Variants in ELK3 observed in about 807,000 individuals in gnomAD.
ELK3 encodes the protein ETS domain-containing protein Elk-3.
A neutral mutation model predicts 28.9 loss-of-function variants in ELK3; 10 were observed. The ratio of observed to expected loss-of-function variants is 0.35; its 90% CI spans 0.21 to 0.59. The LOEUF (loss-of-function observed/expected upper bound fraction) is 0.59. Among genes scored for constraint, ELK3 ranks in the 20% least tolerant of loss-of-function variants. The pLI is 0.82. For missense variants in ELK3, 463 were observed against 517.3 expected (o/e 0.90, Z 1.02); for synonymous variants, 272 against 243.5 (o/e 1.12, Z -1.09).
chr12:96,204,897 C>T (rs1951530262), intron 1 of ELK3, among the ~76,000 whole-genome samples: 1 of 152,204 alleles, frequency 6.6e-6, no homozygotes, highest in Non-Finnish European at 1.5e-5. Flanking sequence ...GAAGGCTCGC[C>T]TTTAGAGGCT....
intron 4 of ELK3, 33 bp from the exon 5 acceptor site, chr12:96,267,049 A>ATAAT: frequency 1.3e-6 from 2 of 1,581,558 alleles, no homozygotes; most frequent in South Asian, 2.3e-5. Context: ...TGGATTTGCA[A>ATAAT]TAATTATTGT....
At chr12:96,246,206 TCTAC>T (rs1160637984) in intron 2 of ELK3, among the ~76,000 whole-genome samples, 1 of 152,208 alleles carries the variant, frequency 6.6e-6, no homozygotes, top group Non-Finnish European at 1.5e-5. Context: ...ACATGCTGCC[TCTAC>T]CACTTCACTT....
chr12:96,222,835 G>C (rs1304246908), intron 1 of ELK3: 3 of 153,262 alleles, frequency 2.0e-5, no homozygotes, highest in African/African-American at 7.2e-5. Flanking sequence ...AGTTCTGCAG[G>C]CTGTACAGGA....
chr12:96,258,989 AC>A (rs771973208), intron 3 of ELK3, among the ~76,000 whole-genome samples: 6 of 152,198 alleles, frequency 3.9e-5, no homozygotes, highest in Non-Finnish European at 8.8e-5. Flanking sequence ...TGATATGGAG[AC>A]CATTTAAAAA....
chr12:96,244,995 T>G (rs1412503970), intron 2 of ELK3, among the ~76,000 whole-genome samples: 2 of 152,064 alleles, frequency 1.3e-5, no homozygotes, highest in African/African-American at 4.8e-5. Context: ...GCGGGTTAAG[T>G]TGCAGGTGGG....
At chr12:96,224,704 C>T (rs937284604) in intron 2 of ELK3, among the ~76,000 whole-genome samples, 1 of 152,148 alleles carries the variant, frequency 6.6e-6, no homozygotes, top group African/African-American at 2.4e-5. Flanking sequence ...CATTTCAGGC[C>T]TTAATTGTTA....
At chr12:96,260,395 T>TAGTGAACAATTTCCCCATCCTGGA (rs1254916194) in intron 4 of ELK3, among the ~76,000 whole-genome samples, 1 of 152,234 alleles carries the variant, frequency 6.6e-6, no homozygotes, top group Non-Finnish European at 1.5e-5. Flanking sequence ...AAAATAAAAA[T>TAGTGAACAATTTCCCCATCCTGGA]AGTGAACAAT....
intron 1 of ELK3, among the ~76,000 whole-genome samples, chr12:96,212,381 T>C (rs1202388609): frequency 6.6e-6 from 1 of 152,182 alleles, no homozygotes; most frequent in Non-Finnish European, 1.5e-5. Flanking sequence ...AGAAAAAGCA[T>C]TGTCAGCAGA....
At chr12:96,208,342 G>A (rs1252885761) in intron 1 of ELK3, among the ~76,000 whole-genome samples, 1 of 152,224 alleles carries the variant, frequency 6.6e-6, no homozygotes, top group Non-Finnish European at 1.5e-5. Flanking sequence ...GTTAGCCACT[G>A]CACCCAGCCA....
chr12:96,221,407 G>A (rs1313031221), intron 1 of ELK3, among the ~76,000 whole-genome samples: 2 of 152,150 alleles, frequency 1.3e-5, no homozygotes, highest in Non-Finnish European at 2.9e-5. Context: ...GGCGGTGGCC[G>A]ACCACTTTCC....
chr12:96,244,305 G>A (rs1951841796), intron 2 of ELK3, among the ~76,000 whole-genome samples: 1 of 152,060 alleles, frequency 6.6e-6, no homozygotes, highest in Non-Finnish European at 1.5e-5. Context: ...TCTGTCTGAG[G>A]CTGCCTTTCA....
chr12:96,229,452 C>T (rs141740338), intron 2 of ELK3, among the ~76,000 whole-genome samples: 6 of 151,670 alleles, frequency 4.0e-5, no homozygotes, highest in African/African-American at 1.5e-4. Context: ...CCTTGGCTTG[C>T]AGCAGCCTCA....
intron 1 of ELK3, among the ~76,000 whole-genome samples, chr12:96,208,782 A>G (rs1218688612): frequency 6.6e-6 from 1 of 152,206 alleles, no homozygotes; most frequent in Non-Finnish European, 1.5e-5. Flanking sequence ...AAGGGGAGGA[A>G]GAGGCTCTAT....
intron 1 of ELK3, chr12:96,198,163 C>G (rs899124272): frequency 3.3e-5 from 5 of 152,170 alleles, no homozygotes; most frequent in Admixed American, 6.5e-5. Flanking sequence ...GCTTACTAAT[C>G]GTTAGTTTTG....
chr12:96,204,088 C>T (rs1437169411), intron 1 of ELK3, among the ~76,000 whole-genome samples: 1 of 152,094 alleles, frequency 6.6e-6, no homozygotes, highest in Non-Finnish European at 1.5e-5. Flanking sequence ...TTGTTGGTAT[C>T]AGTGTTACTA....
intron 2 of ELK3, among the ~76,000 whole-genome samples, chr12:96,242,396 T>C (rs527906485): frequency 2.0e-4 from 30 of 152,310 alleles, no homozygotes; most frequent in African/African-American, 7.2e-4. Flanking sequence ...TCTAAGAGGA[T>C]TGAGTGAGTT....
rs149884297 is a variant in ELK3, at chr12:96,236,176, G to A, written c.208-10764G>A. Among the ~76,000 whole-genome samples, 1,271 of 152,272 alleles carry A rather than the reference G, an allele frequency of 8.3e-3. 12 individuals carry two copies. Among genetic ancestry groups the A allele is most frequent in the Middle Eastern group, 0.017 (5 of 294 alleles). ...ACACTTAAAAGGCCTTTGAATAAAAGTACCCTTGAGTGTTTAAGGAGAGCC... is the reference window on the plus strand; with the variant it reads ...ACACTTAAAAGGCCTTTGAATAAAAATACCCTTGAGTGTTTAAGGAGAGCC... On this transcript the variant is annotated intron_variant, in intron 2 of 4. Coordinates refer to ENST00000228741, the MANE Select transcript of ELK3 (RefSeq NM_005230.4).
At chr12:96,265,749 G>GTT (rs1952024598) in intron 4 of ELK3, among the ~76,000 whole-genome samples, 1 of 152,178 alleles carries the variant, frequency 6.6e-6, no homozygotes, top group Admixed American at 6.5e-5. Flanking sequence ...AACTCAATGG[G>GTT]AAGAGTGGTT....
intron 3 of ELK3, among the ~76,000 whole-genome samples, chr12:96,251,841 A>G (rs1464771635): frequency 6.6e-6 from 1 of 152,256 alleles, no homozygotes; most frequent in Non-Finnish European, 1.5e-5. Context: ...AGCCATCTCC[A>G]TAACATAAAA....
Sources: gnomAD v4.1 joint callset for allele counts (sites outside exome capture counted in the v4.1 genomes callset) on GRCh38, gnomAD v4.1.1 for gene constraint, MANE v1.5 for transcripts, NCBI Gene and HGNC (gene_info 2026-07-23, HGNC 2026-07-21) for gene names.